Variants in SHC3 observed in about 807,000 individuals in gnomAD.
The protein encoded by SHC3 is SHC adaptor protein 3, also known as SHC-transforming protein 3.
A neutral mutation model predicts 60.4 loss-of-function variants in SHC3; 15 were observed. The observed-to-expected ratio is 0.25, with a 90% CI of 0.17 to 0.38. The LOEUF is 0.38. Ranked by LOEUF, SHC3 falls within the 10% of genes least tolerant of loss-of-function variation. The pLI, the probability that SHC3 is intolerant of heterozygous loss-of-function variation, is 1.00. For missense variants in SHC3, 677 were observed against 786.1 expected, an observed-to-expected ratio of 0.86 and a Z score of 1.66; for synonymous variants, 294 against 325.9, an observed-to-expected ratio of 0.90 and a Z score of 1.05.
At chr9:89,031,042 C>T (rs952456204) in intron 11 of SHC3, among the ~76,000 whole-genome samples, 5 of 152,168 alleles carry the variant, frequency 3.3e-5, no homozygotes, top group Middle Eastern at 6.8e-3. Flanking sequence ...AGGTGCATAC[C>T]ACCATGCCCA....
At chr9:89,150,854 C>T (rs1384479636) in intron 1 of SHC3, among the ~76,000 whole-genome samples, 1 of 152,126 alleles carries the variant, frequency 6.6e-6, no homozygotes, top group Admixed American at 6.5e-5. Context: ...TTTGATTTCT[C>T]AATTCCACCA....
At chr9:89,056,440 T>A (rs1220021404) in intron 6 of SHC3, among the ~76,000 whole-genome samples, 1 of 152,160 alleles carries the variant, frequency 6.6e-6, no homozygotes, top group Non-Finnish European at 1.5e-5. Flanking sequence ...GGTTTCACCA[T>A]GTTGACCAAG....
At chr9:89,068,207 C>A (rs1205119345) in intron 5 of SHC3, among the ~76,000 whole-genome samples, 1 of 152,198 alleles carries the variant, frequency 6.6e-6, no homozygotes, top group East Asian at 1.9e-4. Flanking sequence ...CTCCCCAAGA[C>A]CCCCTGTGCC....
chr9:89,108,144 T>C (rs1264230228), intron 2 of SHC3, among the ~76,000 whole-genome samples: 2 of 152,186 alleles, frequency 1.3e-5, no homozygotes, highest in African/African-American at 4.8e-5. Flanking sequence ...AGGTGTGCAG[T>C]AGGTGAGAGC....
At chr9:89,113,466 G>C (rs1293958805) in intron 1 of SHC3, among the ~76,000 whole-genome samples, 1 of 151,932 alleles carries the variant, frequency 6.6e-6, no homozygotes, top group Non-Finnish European at 1.5e-5. Context: ...CTACAGCCTG[G>C]GCGACAGAGC....
At chr9:89,139,034 A>G (rs938148159) in intron 1 of SHC3, among the ~76,000 whole-genome samples, 1 of 152,226 alleles carries the variant, frequency 6.6e-6, no homozygotes, top group Non-Finnish European at 1.5e-5. Flanking sequence ...AAATAAGTAC[A>G]ATTATTTCAA....
Position 89,009,967 on chromosome 9 carries a change from T to C in SHC3, c.*3480A>G, listed in dbSNP as rs1825994942. 2.0e-5 allele frequency: 3 copies of C among 152,256 alleles called. No individual in the cohort carries two copies. The highest frequency in any genetic ancestry group is 2.1e-4 in the South Asian group (1 of 4,838). 9.4% of individuals were successfully genotyped at this position (152,256 alleles called of 1,614,324 possible). On this transcript the variant is annotated 3_prime_UTR_variant, in exon 12 of 12. Transcript: ENST00000375835. ...TGGACACACATGTCCACTGTTCCCCTGGCACATGGGCCCTTTAGGGTCCAC... is the reference window on the plus strand; with the variant it reads ...TGGACACACATGTCCACTGTTCCCCCGGCACATGGGCCCTTTAGGGTCCAC...
chr9:89,168,302 C>T (rs1222764876), intron 1 of SHC3, among the ~76,000 whole-genome samples: 1 of 152,094 alleles, frequency 6.6e-6, no homozygotes, highest in African/African-American at 2.4e-5. Context: ...CCCTTCTCTA[C>T]CAAAAATACA....
intron 1 of SHC3, among the ~76,000 whole-genome samples, chr9:89,174,989 C>A (rs1013946554): frequency 1.3e-5 from 2 of 152,228 alleles, no homozygotes; most frequent in African/African-American, 4.8e-5. Flanking sequence ...CCTACCCAGG[C>A]TTGACTTTAG....
intron 1 of SHC3, among the ~76,000 whole-genome samples, chr9:89,176,768 G>T (rs1475305477): frequency 6.6e-6 from 1 of 152,180 alleles, no homozygotes; most frequent in Non-Finnish European, 1.5e-5. Flanking sequence ...CTGAAAAGGT[G>T]AAGAAGCCCT....
chr9:89,164,022 C>T (rs1826749336), intron 1 of SHC3, among the ~76,000 whole-genome samples: 1 of 152,118 alleles, frequency 6.6e-6, no homozygotes, highest in African/African-American at 2.4e-5. Flanking sequence ...AAGGCCTCAC[C>T]TCCTAACACC....
intron 1 of SHC3, among the ~76,000 whole-genome samples, chr9:89,128,309 C>T (rs889952351): frequency 1.3e-5 from 2 of 152,110 alleles, no homozygotes; most frequent in African/African-American, 4.8e-5. Context: ...TCACAAACTG[C>T]TACTTTGACT....
intron 1 of SHC3, among the ~76,000 whole-genome samples, chr9:89,125,889 G>A (rs1024035596): frequency 6.6e-6 from 1 of 152,106 alleles, no homozygotes; most frequent in African/African-American, 2.4e-5. Context: ...CCATAAAAAT[G>A]GGCAACCAGT....
chr9:89,074,603 C>T (rs1463883963), intron 4 of SHC3, among the ~76,000 whole-genome samples: 4 of 147,964 alleles, frequency 2.7e-5, no homozygotes, highest in African/African-American at 9.9e-5. Flanking sequence ...ATTCATTCCA[C>T]ATTGGCTATT....
intron 11 of SHC3, among the ~76,000 whole-genome samples, chr9:89,028,714 C>CTA (rs1169545470): frequency 4.2e-5 from 6 of 142,162 alleles, no homozygotes; most frequent in African/African-American, 1.3e-4. Context: ...CTATATATAT[C>CTA]TATATAGAGA....
chr9:89,041,489 T>A (rs7868553), intron 10 of SHC3, among the ~76,000 whole-genome samples: 107,450 of 151,944 alleles, frequency 0.71, 38,473 homozygotes, highest in East Asian at 0.99. Flanking sequence ...ATATTTGGAG[T>A]GAGGTAAAAG....
chr9:89,037,634 T>C (rs1420249441), intron 11 of SHC3: 5 of 671,854 alleles, frequency 7.4e-6, no homozygotes, highest in Non-Finnish European at 2.7e-6. Context: ...GAGATAAGCA[T>C]TCAAGATAAA....
At chr9:89,126,737 A>G (rs1247581458) in intron 1 of SHC3, among the ~76,000 whole-genome samples, 2 of 152,012 alleles carry the variant, frequency 1.3e-5, no homozygotes, top group African/African-American at 2.4e-5. Context: ...ATCACCGTTT[A>G]TCTCTTCTGT....
intron 11 of SHC3, among the ~76,000 whole-genome samples, chr9:89,036,610 C>CCA (rs1406697344): frequency 1.3e-5 from 2 of 152,158 alleles, no homozygotes; most frequent in African/African-American, 4.8e-5. Flanking sequence ...GTGACGGGCC[C>CCA]CAGGCAGCCC....
Sources: allele counts gnomAD v4.1 joint callset (sites outside exome capture counted in the v4.1 genomes callset), GRCh38; gene constraint gnomAD v4.1.1; transcripts MANE v1.5; gene names NCBI Gene and HGNC (gene_info 2026-07-23, HGNC 2026-07-21).